The following GRIN2A variants were observed in gnomAD, a reference collection of about 807,000 sequenced individuals.
The protein encoded by GRIN2A is glutamate receptor ionotropic, NMDA 2A.
In GRIN2A, 22 loss-of-function variants were observed where a neutral mutation model predicts 113.4. The observed-to-expected ratio is 0.19, with a 90% confidence interval of 0.14 to 0.28. The LOEUF (loss-of-function observed/expected upper bound fraction) is 0.28, where lower values mean the gene tolerates loss of function less well. Among genes scored for constraint, GRIN2A ranks in the 10% least tolerant of loss-of-function variants. The pLI, the probability that GRIN2A is intolerant of heterozygous loss-of-function variation, is 1.00. For synonymous variants in GRIN2A, 827 were observed against 738.4 expected (o/e 1.12, Z -1.94); for missense variants, 1,502 against 1,887.0 (o/e 0.80, Z 3.78).
chr16:10,029,968 G>A (rs2141921490), intron 2 of GRIN2A, among the ~76,000 whole-genome samples: 1 of 152,182 alleles, frequency 6.6e-6, no homozygotes, highest in Non-Finnish European at 1.5e-5. Context: ...CTGCACTCTA[G>A]CCTGGGCCAC....
intron 2 of GRIN2A, among the ~76,000 whole-genome samples, chr16:9,975,456 A>AG (rs1476124126): frequency 6.6e-6 from 1 of 152,184 alleles, no homozygotes; most frequent in African/African-American, 2.4e-5. Flanking sequence ...CCATTGCTGG[A>AG]GGAGCTACAT....
intron 4 of GRIN2A, among the ~76,000 whole-genome samples, chr16:9,854,989 C>T (rs79997128): frequency 4.1e-3 from 523 of 126,212 alleles, no homozygotes; most frequent in African/African-American, 0.015. Context: ...CAGGCAAGCA[C>T]GCTTGTGTGT....
At position 9,763,522 on chromosome 16, in the gene GRIN2A, C is replaced by G. The variant is rs757898035; in HGVS notation, c.4022G>C (p.Ser1341Thr). 1.9e-6 allele frequency: 3 copies of G among 1,613,986 alleles called. No homozygotes were observed. The highest frequency in any genetic ancestry group is 1.1e-5 in the South Asian group (1 of 91,054). Reference protein sequence around the residue: ...VPSSKLSGKKSSLFPQGLEDS... With the variant: ...VPSSKLSGKKTSLFPQGLEDS... ...CTCCAGACCTTGGGGGAAAAGGGAG[C>G]TTTTTTTCCCCGAGAGTTTGCTTGA... is the stretch of plus-strand genomic sequence containing the variant. The change falls in exon 13 of 13, where the codon AGC becomes ACC. Residue 1341 changes from serine (S) to threonine (T), a missense_variant. Around this residue, in one of 7 missense-constraint regions of GRIN2A, gnomAD observed 832 missense variants for 789.7 expected, o/e 1.05. Coordinates refer to ENST00000330684, the MANE Select transcript of GRIN2A (RefSeq NM_001134407.3).
At chr16:10,027,869 C>T (rs17682940) in intron 2 of GRIN2A, among the ~76,000 whole-genome samples, 30,770 of 152,174 alleles carry the variant, frequency 0.2, 3,452 homozygotes, top group East Asian at 0.39. Context: ...CAAGGCATTC[C>T]GAAAAGCACC....
intron 8 of GRIN2A, among the ~76,000 whole-genome samples, chr16:9,830,267 C>T (rs951440381): frequency 1.8e-4 from 27 of 152,184 alleles, no homozygotes; most frequent in African/African-American, 6.3e-4. Flanking sequence ...CATTTCATTG[C>T]AGGGTCATGG....
At chr16:9,981,482 C>T (rs1337731314) in intron 2 of GRIN2A, among the ~76,000 whole-genome samples, 3 of 152,184 alleles carry the variant, frequency 2.0e-5, no homozygotes, top group Admixed American at 6.5e-5. Context: ...ATTTTCAATT[C>T]GTGACTGATC....
chr16:9,927,908 G>T (rs181670648), intron 3 of GRIN2A, among the ~76,000 whole-genome samples: 42 of 152,280 alleles, frequency 2.8e-4, no homozygotes, highest in Middle Eastern at 3.4e-3. Flanking sequence ...TGGGCAGTGT[G>T]GATTTACTCT....
chr16:9,767,171 C>G (rs965139794), intron 12 of GRIN2A, among the ~76,000 whole-genome samples: 1 of 152,182 alleles, frequency 6.6e-6, no homozygotes, highest in African/African-American at 2.4e-5. Flanking sequence ...TATTTTTAAG[C>G]AATCTATGTG....
Position 9,758,088 on chromosome 16 carries a change from A to G in GRIN2A, c.*5061T>C, listed in dbSNP as rs1357427344. 7 of 212,192 alleles carry G rather than the reference A, an allele frequency of 3.3e-5. No homozygotes were observed. Among genetic ancestry groups the G allele is most frequent in the Non-Finnish European group, 5.7e-5 (6 of 104,746 alleles). The allele number at this position is 212,192 out of a possible 1,614,324, so 13.1% of individuals were successfully genotyped here. On this transcript the variant is annotated 3_prime_UTR_variant, in exon 13 of 13. Coordinates refer to ENST00000330684, the MANE Select transcript of GRIN2A (RefSeq NM_001134407.3). ...CTTAAACAGGCAACTGCCCATTTGT[A>G]AACTTCATTTTTCTCATCTCTCCTC... is the stretch of plus-strand genomic sequence containing the variant.
rs886052552 is a variant in GRIN2A at position 9,762,863 on chromosome 16, T to C, written c.*286A>G. Reference sequence around the variant, plus strand: ...ATCCAATGCATCATTATTGCCAACATACCCAGTAGGCATGTCCCGGAGACT... The same window carrying C: ...ATCCAATGCATCATTATTGCCAACACACCCAGTAGGCATGTCCCGGAGACT... On this transcript the variant is annotated 3_prime_UTR_variant, in exon 13 of 13. Transcript: ENST00000330684. 1 of 509,738 alleles carries C rather than the reference T, an allele frequency of 2.0e-6. No homozygotes were observed. The highest frequency in any genetic ancestry group is 1.9e-5 in the African/African-American group (1 of 52,706). 31.6% of individuals were successfully genotyped at this position (509,738 alleles called of 1,614,324 possible).
intron 2 of GRIN2A, among the ~76,000 whole-genome samples, chr16:9,955,447 G>A (rs1376263377): frequency 6.6e-6 from 1 of 152,032 alleles, no homozygotes; most frequent in East Asian, 1.9e-4. Flanking sequence ...GCAAATTTCC[G>A]CTCTTCCATG....
intron 2 of GRIN2A, among the ~76,000 whole-genome samples, chr16:9,997,683 A>G (rs1009722690): frequency 1.2e-4 from 19 of 152,146 alleles, no homozygotes; most frequent in Non-Finnish European, 2.5e-4. Context: ...TTCATCTTGA[A>G]TCATAGCTCC....
intron 4 of GRIN2A, among the ~76,000 whole-genome samples, chr16:9,862,878 C>T (rs893730708): frequency 3.3e-4 from 50 of 152,242 alleles, no homozygotes; most frequent in African/African-American, 9.9e-4. Context: ...CGTATCAGTC[C>T]GTCTTCCATG....
At chr16:9,875,671 G>T (rs1381977497) in intron 4 of GRIN2A, among the ~76,000 whole-genome samples, 1 of 152,234 alleles carries the variant, frequency 6.6e-6, no homozygotes, top group Non-Finnish European at 1.5e-5. Flanking sequence ...TGTGGGTGGG[G>T]TAGGGGAGAA....
intron 10 of GRIN2A, among the ~76,000 whole-genome samples, chr16:9,807,355 A>AGGGAGG (rs1567312612): frequency 6.9e-5 from 1 of 14,450 alleles, no homozygotes; most frequent in Non-Finnish European, 1.1e-4. Flanking sequence ...GGAGGGGGAG[A>AGGGAGG]GGGAGGGAGA....
At position 9,821,514 on chromosome 16, in the gene GRIN2A, T is replaced by C. The variant is rs181137247; in HGVS notation, c.2168+750A>G. Reference sequence around the variant, plus strand: ...ACAATGGACTTTTCAGAAGAGTCCATGGAATAGAATCTAACCTTTACAATA... The same window carrying C: ...ACAATGGACTTTTCAGAAGAGTCCACGGAATAGAATCTAACCTTTACAATA... On this transcript the variant is annotated intron_variant, in intron 10 of 12. Transcript: ENST00000330684. Among the ~76,000 whole-genome samples, 7 of 152,328 alleles carry C rather than the reference T, an allele frequency of 4.6e-5. No homozygotes were observed. The East Asian group carries it at 1.4e-3, about 29-fold the overall frequency.
chr16:10,072,189 TA>T (rs2047765929), intron 2 of GRIN2A, among the ~76,000 whole-genome samples: 1 of 152,220 alleles, frequency 6.6e-6, no homozygotes, highest in African/African-American at 2.4e-5. Flanking sequence ...CCTTTGTGGT[TA>T]AGCATCATGA....
intron 2 of GRIN2A, among the ~76,000 whole-genome samples, chr16:10,147,832 A>G (rs531632250): frequency 6.6e-6 from 1 of 152,272 alleles, no homozygotes; most frequent in South Asian, 2.1e-4. Context: ...AAAATGATCT[A>G]GAGAGTTGGC....
At chr16:9,868,400 G>C (rs952480721) in intron 4 of GRIN2A, among the ~76,000 whole-genome samples, 21 of 152,130 alleles carry the variant, frequency 1.4e-4, no homozygotes, top group African/African-American at 4.8e-4. Context: ...CCAAGTAGCT[G>C]GGATTACAAG....
Sources: allele counts gnomAD v4.1 joint callset (sites outside exome capture counted in the v4.1 genomes callset), GRCh38; gene constraint gnomAD v4.1.1; regional missense constraint gnomAD v4.1.1; transcripts MANE v1.5; gene names NCBI Gene and HGNC (gene_info 2026-07-23, HGNC 2026-07-21).